HIBADH: variants seen among roughly 807,000 people sequenced by gnomAD.
HIBADH encodes 3-hydroxyisobutyrate dehydrogenase, also known as 3-hydroxyisobutyrate dehydrogenase, mitochondrial.
Under a neutral mutation model 36.1 loss-of-function variants are expected in HIBADH, and 25 were observed. That is an observed-to-expected ratio of 0.69 (90% CI 0.50 to 0.97). HIBADH has a LOEUF of 0.97. HIBADH is among the 50% of genes least tolerant of loss of function. The pLI is 0.00. For missense variants in HIBADH, 421 were observed against 418.0 expected (o/e 1.01, Z -0.06); for synonymous variants, 160 against 149.5 (o/e 1.07, Z -0.51).
At chr7:27,561,038 T>G (rs1473766523) in intron 4 of HIBADH, among the ~76,000 whole-genome samples, 1 of 152,220 alleles carries the variant, frequency 6.6e-6, no homozygotes, top group Non-Finnish European at 1.5e-5. Flanking sequence ...GGTTTTGATT[T>G]GCCCTTCCCT....
intron 4 of HIBADH, among the ~76,000 whole-genome samples, chr7:27,563,656 T>C (rs1784499275): frequency 6.6e-6 from 1 of 152,238 alleles, no homozygotes; most frequent in Non-Finnish European, 1.5e-5. Context: ...ATGGTAATGA[T>C]GTCAAGCATC....
chr7:27,538,777 TG>T (rs1784104969), intron 5 of HIBADH, among the ~76,000 whole-genome samples: 1 of 151,384 alleles, frequency 6.6e-6, no homozygotes, highest in South Asian at 2.1e-4. Context: ...CAAAAACAAG[TG>T]GTGAATTGTA....
chr7:27,599,098 C>T (rs976105762), intron 4 of HIBADH, among the ~76,000 whole-genome samples: 1 of 151,898 alleles, frequency 6.6e-6, no homozygotes, highest in Non-Finnish European at 1.5e-5. Flanking sequence ...AATTTTAGTT[C>T]GTTACGGAAA....
At chr7:27,582,972 T>C (rs981754374) in intron 4 of HIBADH, among the ~76,000 whole-genome samples, 1 of 152,230 alleles carries the variant, frequency 6.6e-6, no homozygotes, top group African/African-American at 2.4e-5. Context: ...ATGATGTCTG[T>C]AAAGTACTCA....
At chr7:27,535,823 G>A (rs1482714829) in intron 6 of HIBADH, among the ~76,000 whole-genome samples, 3 of 151,442 alleles carry the variant, frequency 2.0e-5, no homozygotes, top group Non-Finnish European at 2.9e-5. Context: ...AAGAGCATAG[G>A]GTCAATAAGA....
At chr7:27,568,434 TCAAA>T (rs1784579474) in intron 4 of HIBADH, among the ~76,000 whole-genome samples, 1 of 152,072 alleles carries the variant, frequency 6.6e-6, no homozygotes, top group Non-Finnish European at 1.5e-5. Flanking sequence ...CTAGCTGATC[TCAAA>T]CAATTTTATT....
At chr7:27,625,038 T>C (rs554318974) in intron 4 of HIBADH, among the ~76,000 whole-genome samples, 20 of 152,326 alleles carry the variant, frequency 1.3e-4, no homozygotes, top group African/African-American at 3.8e-4. Flanking sequence ...TGTATTTATA[T>C]AGAACAATAC....
At chr7:27,577,016 G>T (rs1784720201) in intron 4 of HIBADH, among the ~76,000 whole-genome samples, 1 of 151,984 alleles carries the variant, frequency 6.6e-6, no homozygotes, top group Admixed American at 6.6e-5. Context: ...AATTACTAAG[G>T]TTTATCTTAA....
intron 4 of HIBADH, among the ~76,000 whole-genome samples, chr7:27,570,617 C>T (rs1006324225): frequency 1.1e-4 from 16 of 151,120 alleles, no homozygotes; most frequent in African/African-American, 2.2e-4. Flanking sequence ...GACGGTTACA[C>T]GACTATATAT....
intron 4 of HIBADH, among the ~76,000 whole-genome samples, chr7:27,548,908 G>A (rs1234661214): frequency 6.6e-6 from 1 of 152,154 alleles, no homozygotes; most frequent in Non-Finnish European, 1.5e-5. Flanking sequence ...GAAAAAACAA[G>A]ATATTGTTCT....
chr7:27,646,030 C>T (rs2128296547), intron 2 of HIBADH, among the ~76,000 whole-genome samples: 1 of 152,184 alleles, frequency 6.6e-6, no homozygotes, highest in South Asian at 2.1e-4. Context: ...TTCGCCAAAT[C>T]CAAAGTCATA....
At chr7:27,590,318 C>T (rs950978671) in intron 4 of HIBADH, among the ~76,000 whole-genome samples, 2 of 152,186 alleles carry the variant, frequency 1.3e-5, no homozygotes, top group African/African-American at 4.8e-5. Flanking sequence ...GAACTCAGAT[C>T]TGAGTTCAGA....
At chr7:27,605,566 C>CT (rs1331766931) in intron 4 of HIBADH, among the ~76,000 whole-genome samples, 1 of 115,340 alleles carries the variant, frequency 8.7e-6, no homozygotes, top group African/African-American at 3.3e-5. Flanking sequence ...CTGGATTCCC[C>CT]TCTCCAGTGT....
chr7:27,626,280 A>C (rs1484990884), intron 4 of HIBADH, among the ~76,000 whole-genome samples: 3 of 152,096 alleles, frequency 2.0e-5, no homozygotes, highest in Admixed American at 6.5e-5. Context: ...AAACAAAAAG[A>C]AGCATCAAAT....
intron 2 of HIBADH, chr7:27,647,747 G>T: frequency 2.5e-6 from 1 of 393,882 alleles, no homozygotes. Context: ...CAGAGTATGA[G>T]GTAATTCAGG....
intron 4 of HIBADH, among the ~76,000 whole-genome samples, chr7:27,581,118 T>C (rs1404575279): frequency 6.6e-6 from 1 of 152,076 alleles, no homozygotes; most frequent in African/African-American, 2.4e-5. Context: ...ATGAATGGAC[T>C]AAGGAAATGA....
intron 2 of HIBADH, among the ~76,000 whole-genome samples, chr7:27,643,709 A>G (rs925949068): frequency 3.9e-5 from 6 of 152,248 alleles, no homozygotes; most frequent in African/African-American, 1.4e-4. Flanking sequence ...ACTCTCTCAC[A>G]GCTCTGGAGG....
chr7:27,660,848 C>G (rs1327084709), intron 1 of HIBADH, among the ~76,000 whole-genome samples: 1 of 152,144 alleles, frequency 6.6e-6, no homozygotes, highest in African/African-American at 2.4e-5. Flanking sequence ...TAGGCCCTCC[C>G]AGTTTACAGA....
chr7:27,552,633 GTGT>G (rs1249167266), intron 4 of HIBADH, among the ~76,000 whole-genome samples: 6 of 152,186 alleles, frequency 3.9e-5, no homozygotes, highest in Admixed American at 6.5e-5. Context: ...CGCTAGGGAT[GTGT>G]TGTTAAGTGC....
Sources: gnomAD v4.1 joint callset for allele counts (sites outside exome capture counted in the v4.1 genomes callset) on GRCh38, gnomAD v4.1.1 for gene constraint, MANE v1.5 for transcripts, NCBI Gene and HGNC (gene_info 2026-07-23, HGNC 2026-07-21) for gene names.